ZNF608: variants seen among roughly 807,000 people sequenced by gnomAD.
The protein encoded by ZNF608 is zinc finger protein 608, also known as renal carcinoma antigen NY-REN-36.
ZNF608 carries 12 observed loss-of-function variants against 109.0 expected under a neutral mutation model. That is an observed-to-expected ratio of 0.11 (90% CI 0.07 to 0.18). ZNF608 has a LOEUF of 0.18. ZNF608 is among the 10% of genes least tolerant of loss of function. The probability of loss-of-function intolerance (pLI) is 1.00; values close to 1 mark genes in which losing one functional copy is unlikely to be tolerated. For synonymous variants in ZNF608, 732 were observed against 717.4 expected, an observed-to-expected ratio of 1.02 and a Z score of -0.33; for missense variants, 1,707 against 1,879.3, an observed-to-expected ratio of 0.91 and a Z score of 1.70.
chr5:124,737,257 T>G (rs910672130), intron 2 of ZNF608, among the ~76,000 whole-genome samples: 2 of 152,208 alleles, frequency 1.3e-5, no homozygotes, highest in African/African-American at 4.8e-5. Context: ...CATGTGGCAT[T>G]ATTGGAATAT....
chr5:124,646,496 T>A (rs573377109), intron 5 of ZNF608, among the ~76,000 whole-genome samples, 183 bp downstream of exon 5: 1 of 152,350 alleles, frequency 6.6e-6, no homozygotes, highest in East Asian at 1.9e-4. Flanking sequence ...AAAATACTGA[T>A]AATGTACATT....
At chr5:124,740,250 G>A (rs1175227519) in intron 2 of ZNF608, among the ~76,000 whole-genome samples, 1 of 152,126 alleles carries the variant, frequency 6.6e-6, no homozygotes, top group Non-Finnish European at 1.5e-5. Context: ...TTGGGGAAAG[G>A]GCAGCCCCCT....
At chr5:124,716,508 A>C (rs529239092) in intron 2 of ZNF608, among the ~76,000 whole-genome samples, 1 of 152,310 alleles carries the variant, frequency 6.6e-6, no homozygotes, top group South Asian at 2.1e-4. Flanking sequence ...GCTCATGTCA[A>C]AGCCACTCTT....
intron 3 of ZNF608, among the ~76,000 whole-genome samples, chr5:124,656,917 T>TCCATCACTGTCACCTC (rs1751036954): frequency 6.6e-6 from 1 of 151,056 alleles, no homozygotes; most frequent in Non-Finnish European, 1.5e-5. Context: ...CAGAGCCACT[T>TCCATCACTGTCACCTC]CCATCACTGT....
chr5:124,685,590 C>A (rs1415425369), intron 3 of ZNF608, among the ~76,000 whole-genome samples: 1 of 149,952 alleles, frequency 6.7e-6, no homozygotes, highest in Non-Finnish European at 1.5e-5. Flanking sequence ...CCTGATCAGG[C>A]GTAGTCAGGG....
At chr5:124,693,011 G>A (rs754167229) in intron 3 of ZNF608, among the ~76,000 whole-genome samples, 1 of 152,158 alleles carries the variant, frequency 6.6e-6, no homozygotes, top group Non-Finnish European at 1.5e-5. Context: ...GGAGTAAGTG[G>A]TAATGACTGT....
rs1018564535 is a variant in ZNF608 at position 124,682,835 on chromosome 5, G to A, written c.1162+18179C>T. On this transcript the variant is annotated intron_variant, in intron 3 of 9. Coordinates refer to ENST00000513986, the MANE Select transcript of ZNF608 (RefSeq NM_020747.3). The stretch of plus-strand genomic sequence containing the variant: ...TGGCCTAACCATAATTACTTGTGGT[G>A]GGCAGCCTCATAATTACTTGTGATG... Among the ~76,000 whole-genome samples the A allele has an allele frequency of 2.6e-5, 4 of 152,292 alleles. No individual in the cohort carries two copies. The East Asian group carries it at 7.7e-4, about 29-fold the overall frequency.
chr5:124,691,477 C>G (rs182463788), intron 3 of ZNF608, among the ~76,000 whole-genome samples: 430 of 152,336 alleles, frequency 2.8e-3, no homozygotes, highest in Non-Finnish European at 4.9e-3. Context: ...AACAATTCCA[C>G]TTCTGAGTTA....
intron 3 of ZNF608, among the ~76,000 whole-genome samples, chr5:124,684,082 T>C (rs1046261035): frequency 6.6e-6 from 1 of 152,230 alleles, no homozygotes; most frequent in African/African-American, 2.4e-5. Flanking sequence ...GATCTATTTT[T>C]GGAGACTCAA....
chr5:124,710,242 C>T (rs1438658463), intron 2 of ZNF608: 1 of 455,312 alleles, frequency 2.2e-6, no homozygotes, highest in Non-Finnish European at 4.4e-6. Flanking sequence ...GAAAGAAAAG[C>T]CCATTTTGGA....
rs554230816 is a variant in ZNF608, at chr5:124,723,784, G to GA, written c.906+20299dup. ...AATCAAACGACAAATGAAGAGATGGGAAAAAATATTTGCAAAGCACATAAA... is the reference window on the plus strand; with the variant it reads ...AATCAAACGACAAATGAAGAGATGGGAAAAAAATATTTGCAAAGCACATAAA... On this transcript the variant is annotated intron_variant, in intron 2 of 9. Transcript: ENST00000513986. Among the ~76,000 whole-genome samples, 437 of 151,726 alleles carry GA rather than the reference G, an allele frequency of 2.9e-3. 3 individuals are homozygous for GA. Among genetic ancestry groups the GA allele is most frequent in the African/African-American group, 0.01 (430 of 41,364 alleles).
At chr5:124,719,315 T>G (rs76673488) in intron 2 of ZNF608, among the ~76,000 whole-genome samples, 1 of 152,152 alleles carries the variant, frequency 6.6e-6, no homozygotes, top group Non-Finnish European at 1.5e-5. Flanking sequence ...TTTTTGTAAA[T>G]GATCAGACTA....
At chr5:124,688,321 G>A (rs576395481) in intron 3 of ZNF608, among the ~76,000 whole-genome samples, 37 of 152,058 alleles carry the variant, frequency 2.4e-4, no homozygotes, top group Non-Finnish European at 4.1e-4. Flanking sequence ...TCTCTTGGGA[G>A]CATCACTTGC....
rs200374653 is a variant in ZNF608 at position 124,700,978 on chromosome 5, G to T, written c.1162+36C>A. ...GACATAAATACATCATGGGGAAGAG[G>T]GCATCGGGAAATATATAAAAATAAA... On this transcript the variant is annotated intron_variant, in intron 3 of 9. Coordinates refer to ENST00000513986, the MANE Select transcript of ZNF608 (RefSeq NM_020747.3). The T allele has an allele frequency of 2.2e-5, 35 of 1,608,394 alleles. No individual in the cohort carries two copies. In the African/African-American group the frequency reaches 4.3e-4, roughly 20 times the overall value.
chr5:124,663,585 T>C (rs10051190), intron 3 of ZNF608, among the ~76,000 whole-genome samples: 26,903 of 152,206 alleles, frequency 0.18, 2,939 homozygotes, highest in East Asian at 0.47. Flanking sequence ...CAGCTTTTGA[T>C]TGAGAAATTT....
chr5:124,639,285 A>C, intron 8 of ZNF608, 71 bp from the exon 9 acceptor site: 2 of 1,334,190 alleles, frequency 1.5e-6, no homozygotes, highest in Non-Finnish European at 2.2e-6. Flanking sequence ...CCAGTGGAGA[A>C]GGGCCGCAGA....
Position 124,725,816 on chromosome 5 carries a change from C to T in ZNF608, c.906+18268G>A, listed in dbSNP as rs941583347. On this transcript the variant is annotated intron_variant, in intron 2 of 9. Transcript: ENST00000513986. The stretch of plus-strand genomic sequence containing the variant: ...TTTCAGGACACTGTCTCCTCTCTCT[C>T]TCTAGTATGGACAGCTCTTCTCCAC... Among the ~76,000 whole-genome samples, 12 of 152,282 alleles carry T rather than the reference C, an allele frequency of 7.9e-5. No homozygotes were observed. The South Asian group carries it at 2.5e-3, about 32-fold the overall frequency.
chr5:124,709,574 C>T (rs1753410056), intron 2 of ZNF608, among the ~76,000 whole-genome samples: 2 of 152,206 alleles, frequency 1.3e-5, no homozygotes, highest in South Asian at 2.1e-4. Context: ...TTTTCTACCA[C>T]ACCACATCAG....
At chr5:124,740,074 T>C (rs539047004) in intron 2 of ZNF608, among the ~76,000 whole-genome samples, 18 of 152,288 alleles carry the variant, frequency 1.2e-4, no homozygotes, top group African/African-American at 3.4e-4. Flanking sequence ...TTACAGACTA[T>C]TTGCAAAGTT....
Sources: allele counts gnomAD v4.1 joint callset (sites outside exome capture counted in the v4.1 genomes callset), GRCh38; gene constraint gnomAD v4.1.1; transcripts MANE v1.5; gene names NCBI Gene and HGNC (gene_info 2026-07-23, HGNC 2026-07-21).